FER1L5: variants seen among roughly 807,000 people sequenced by gnomAD.
FER1L5 encodes the protein fer-1-like protein 5.
A neutral mutation model predicts 279.9 loss-of-function variants in FER1L5; 187 were observed. The ratio of observed to expected loss-of-function variants is 0.67; its 90% CI spans 0.59 to 0.75. The LOEUF is 0.75. FER1L5 is among the 30% of genes least tolerant of loss of function. The pLI, the probability that FER1L5 is intolerant of heterozygous loss-of-function variation, is 0.00. For missense variants in FER1L5, 2,091 were observed against 2,594.4 expected, an observed-to-expected ratio of 0.81 and a Z score of 4.21; for synonymous variants, 921 against 989.7, an observed-to-expected ratio of 0.93 and a Z score of 1.30.
rs1018126583 is a variant in FER1L5, at chr2:96,693,641, A to G, written c.3428A>G (p.Glu1143Gly). Residue 1143 changes from glutamate to glycine, a missense_variant, in exon 32 of 53, where the codon GAG becomes GGG. Physicochemically the swap from Glu to Gly is moderately conservative, Grantham distance 98. Coordinates refer to ENST00000624922, the MANE Select transcript of FER1L5 (RefSeq NM_001293083.2). ...TACGAGAACCCACAGGACACCAAAG[A>G]GAGCCCACCGCTTGTGGTGCTGGAG... ...LLYENPQDTK[E>G]SPPLVVLELW... 6.4e-7 allele frequency: 1 copy of G among 1,551,706 alleles called. No individual in the cohort carries two copies. The highest frequency in any genetic ancestry group is 1.4e-5 in the African/African-American group (1 of 73,148).
intron 6 of FER1L5, among the ~76,000 whole-genome samples, chr2:96,651,577 C>T (rs1379203527): frequency 6.6e-6 from 1 of 151,492 alleles, no homozygotes; most frequent in African/African-American, 2.4e-5. Context: ...TCACAGCTCA[C>T]TACAGTCTAG....
intron 10 of FER1L5, 88 bp from the exon 11 acceptor site, chr2:96,661,237 C>A: frequency 1.1e-6 from 1 of 909,702 alleles, no homozygotes; most frequent in Non-Finnish European, 1.6e-6. Flanking sequence ...CTATTTCCAC[C>A]TTCCCCTCCT....
intron 17 of FER1L5, 146 bp from the exon 18 acceptor site, chr2:96,669,972 TG>T: frequency 8.9e-7 from 1 of 1,128,990 alleles, no homozygotes; most frequent in Admixed American, 2.4e-5. Context: ...TGGAGGTTTC[TG>T]GAATTCTTCT....
At position 96,698,104 on chromosome 2, in the gene FER1L5, A is replaced by C. The variant is rs574706332; in HGVS notation, c.4304A>C (p.Lys1435Thr). Residue 1435 changes from lysine to threonine, a missense_variant, in exon 40 of 53, where the codon AAA (lysine) becomes ACA (threonine). Coordinates refer to ENST00000624922, the MANE Select transcript of FER1L5 (RefSeq NM_001293083.2). The surrounding 1 kb of genome is among the most constrained non-coding windows in gnomAD (Gnocchi z 5.5). ...QGLQDFCQTF[K>T]LYQEQPKLDS... ...CTGCAGGACTTCTGCCAGACCTTCA[A>C]ACTCTACCAGGAGCAGCCCAAGTTG... The C allele has an allele frequency of 1.3e-6, 2 of 1,587,760 alleles. No homozygotes were observed. Among genetic ancestry groups the C allele is most frequent in the Admixed American group, 3.6e-5 (2 of 56,114 alleles).
intron 19 of FER1L5, among the ~76,000 whole-genome samples, chr2:96,676,610 C>T (rs889628289): frequency 1.0e-4 from 15 of 148,080 alleles, no homozygotes; most frequent in Non-Finnish European, 1.9e-4. Context: ...TTCCTGTGTT[C>T]GTTTTCATCA....
chr2:96,663,147 A>G (rs2076011969), intron 13 of FER1L5, among the ~76,000 whole-genome samples: 1 of 152,172 alleles, frequency 6.6e-6, no homozygotes, highest in South Asian at 2.1e-4. Context: ...ATGTCTATAC[A>G]CTCATATAGT....
intron 14 of FER1L5, among the ~76,000 whole-genome samples, chr2:96,666,663 T>A (rs56403038): frequency 0.02 from 3,015 of 152,016 alleles, 78 homozygotes; most frequent in African/African-American, 0.06. Context: ...TTATTTATTT[T>A]TTTTTTTTAG....
chr2:96,689,884 G>A lies in FER1L5; in HGVS notation c.2640+126G>A, dbSNP rs568933508. The A allele has an allele frequency of 1.8e-5, 13 of 703,824 alleles. 1 individual carries two copies. The highest frequency in any genetic ancestry group is 7.6e-5 in the South Asian group (4 of 52,296). 43.6% of individuals were successfully genotyped at this position (703,824 alleles called of 1,614,324 possible). On this transcript the variant is annotated intron_variant, in intron 26 of 52. Transcript: ENST00000624922. This position sits in a 1 kb window ranked among gnomAD's most constrained non-coding sequence, Gnocchi z 4.6. ...TGCCCTGCACTATGTGTGGGGCCCC[G>A]GGTGAGCGCACCAGCCCTCAGGCAC...
intron 18 of FER1L5, 54 bp from the exon 19 acceptor site, chr2:96,673,023 A>G (rs1446384705): frequency 2.0e-6 from 3 of 1,520,674 alleles, no homozygotes; most frequent in Middle Eastern, 2.1e-4. Context: ...GCCTGTCAAT[A>G]TAACCCTTGG....
chr2:96,655,438 G>A (rs1314431667), intron 9 of FER1L5, among the ~76,000 whole-genome samples: 2 of 152,154 alleles, frequency 1.3e-5, no homozygotes, highest in Non-Finnish European at 2.9e-5. Flanking sequence ...ACCAAATATT[G>A]CAGGGGACGT....
rs569155071 is a variant in FER1L5 at position 96,689,861 on chromosome 2, C to A, written c.2640+103C>A. On this transcript the variant is annotated intron_variant, in intron 26 of 52. Coordinates refer to ENST00000624922, the MANE Select transcript of FER1L5 (RefSeq NM_001293083.2). This position sits in a 1 kb window ranked among gnomAD's most constrained non-coding sequence, Gnocchi z 4.6. ...CAGTGGAAAGGGTCTGAGCCCTATG[C>A]CCTGCACTATGTGTGGGGCCCCGGG... 2.5e-3 allele frequency: 2,505 copies of A among 1,016,196 alleles called. 11 individuals are homozygous for A. Among genetic ancestry groups the A allele is most frequent in the Middle Eastern group, 0.012 (37 of 3,104 alleles). 62.9% of individuals were successfully genotyped at this position (1,016,196 alleles called of 1,614,324 possible).
intron 5 of FER1L5, 88 bp downstream of exon 5, chr2:96,649,765 C>G: frequency 7.3e-7 from 1 of 1,365,896 alleles, no homozygotes; most frequent in Non-Finnish European, 1.0e-6. Context: ...CCTTCAAAAC[C>G]CAGCCCTTGA....
At chr2:96,681,003 C>T (rs1228528484) in intron 19 of FER1L5, among the ~76,000 whole-genome samples, 3 of 152,212 alleles carry the variant, frequency 2.0e-5, no homozygotes, top group Admixed American at 6.5e-5. Flanking sequence ...GGATTGCAGG[C>T]GTGAGCCGCC....
intron 19 of FER1L5, among the ~76,000 whole-genome samples, chr2:96,679,193 A>T (rs1294881701): frequency 1.3e-4 from 19 of 151,804 alleles, no homozygotes; most frequent in East Asian, 1.9e-4. Flanking sequence ...GAAATTTTTT[A>T]AAAAATTAGC....
chr2:96,657,318 G>T (rs752075199), intron 9 of FER1L5, among the ~76,000 whole-genome samples: 16 of 151,760 alleles, frequency 1.1e-4, no homozygotes, highest in Non-Finnish European at 2.1e-4. Context: ...CAAGTGATCC[G>T]CCCGCCTCAG....
In FER1L5 at chr2:96,702,616, G is replaced by A. The variant is rs1400465977; in HGVS notation, c.5272G>A (p.Glu1758Lys). 2 of 1,581,352 alleles carry A rather than the reference G, an allele frequency of 1.3e-6. No homozygotes were observed. Among genetic ancestry groups the A allele is most frequent in the Admixed American group, 3.7e-5 (2 of 54,162 alleles). ...TGGCCCCAGGTGGTTATACGGGCTG[G>A]AGAAGGACATGCAGAAGACAGACAT... is the stretch of plus-strand genomic sequence containing the variant. ...IYIKGWLYGL[E>K]KDMQKTDIHY... is the part of the protein sequence containing the mutation. The change falls in exon 48 of 53, where the codon GAG becomes AAG. Residue 1758 changes from glutamate (E) to lysine (K), a missense_variant. Coordinates refer to ENST00000624922, the MANE Select transcript of FER1L5 (RefSeq NM_001293083.2). The surrounding 1 kb of genome is among the most constrained non-coding windows in gnomAD (Gnocchi z 4.0).
rs912957512 is a variant in FER1L5, at chr2:96,700,226, C to T, written c.4931-106C>T. On this transcript the variant is annotated intron_variant, in intron 44 of 52. Transcript: ENST00000624922. ...GAGCCAAAGAGCAGCCCATCCCTTT[C>T]CCCTTCACTCCTACCCAGGCTGCGG... is the stretch of plus-strand genomic sequence containing the variant. 3.1e-5 allele frequency: 49 copies of T among 1,565,920 alleles called. No homozygotes were observed. The African/African-American group carries it at 5.7e-4, about 18-fold the overall frequency.
intron 14 of FER1L5, among the ~76,000 whole-genome samples, 183 bp from the exon 15 acceptor site, chr2:96,668,568 G>T (rs2076210721): frequency 6.6e-6 from 1 of 151,974 alleles, no homozygotes; most frequent in African/African-American, 2.4e-5. Flanking sequence ...AAAACAAGAG[G>T]CCCTAAAGCC....
chr2:96,690,663 C>A, intron 27 of FER1L5, 74 bp downstream of exon 27: 1 of 1,371,696 alleles, frequency 7.3e-7, no homozygotes, highest in Non-Finnish European at 1.0e-6. Context: ...AGGGTGGGAT[C>A]AGAGCAGCCA....
Sources: gnomAD v4.1 joint callset for allele counts (sites outside exome capture counted in the v4.1 genomes callset) on GRCh38, gnomAD v4.1.1 for gene constraint, Gnocchi (gnomAD v3.1) non-coding constraint, MANE v1.5 for transcripts, NCBI Gene and HGNC (gene_info 2026-07-23, HGNC 2026-07-21) for gene names.